The following ANKS1B variants were observed in gnomAD, a reference collection of about 807,000 sequenced individuals.
ANKS1B encodes ankyrin repeat and sterile alpha motif domain containing 1B, also known as ankyrin repeat and sterile alpha motif domain-containing protein 1B.
A neutral mutation model predicts 148.3 loss-of-function variants in ANKS1B; 36 were observed. That is an observed-to-expected ratio of 0.24 (90% CI 0.19 to 0.32). ANKS1B has a LOEUF of 0.32. ANKS1B is among the 10% of genes least tolerant of loss of function. ANKS1B has a pLI of 1.00. For missense variants in ANKS1B, 1,157 were observed against 1,542.6 expected, an observed-to-expected ratio of 0.75 and a Z score of 4.19; for synonymous variants, 542 against 560.8, an observed-to-expected ratio of 0.97 and a Z score of 0.47.
chr12:98,772,405 G>A (rs551005415), intron 25 of ANKS1B, among the ~76,000 whole-genome samples: 4 of 152,242 alleles, frequency 2.6e-5, no homozygotes, highest in Non-Finnish European at 4.4e-5. Flanking sequence ...CAGTTCTCAC[G>A]CTGCTAATAA....
intron 11 of ANKS1B, among the ~76,000 whole-genome samples, chr12:99,404,238 T>C (rs1375975638): frequency 2.7e-5 from 4 of 145,794 alleles, no homozygotes; most frequent in Non-Finnish European, 6.1e-5. Flanking sequence ...GCTTAATGCC[T>C]GGGTGACAAA....
intron 16 of ANKS1B, among the ~76,000 whole-genome samples, chr12:99,082,486 T>C (rs528741675): frequency 4.2e-4 from 64 of 152,222 alleles, no homozygotes; most frequent in Admixed American, 1.4e-3. Flanking sequence ...CACTGGAGAA[T>C]TGAAGCAGGG....
chr12:99,870,092 C>T (rs75066246), intron 1 of ANKS1B, among the ~76,000 whole-genome samples: 159 of 152,272 alleles, frequency 1.0e-3, no homozygotes, highest in African/African-American at 3.7e-3. Context: ...CTTGCTCCGC[C>T]GTCACTCCCC....
At chr12:99,009,494 T>A (rs1425187764) in intron 17 of ANKS1B, among the ~76,000 whole-genome samples, 1 of 152,194 alleles carries the variant, frequency 6.6e-6, no homozygotes, top group African/African-American at 2.4e-5. Flanking sequence ...TCAGCATCCA[T>A]CTGCGACTCT....
chr12:98,803,991 C>T (rs2099028588), intron 20 of ANKS1B, among the ~76,000 whole-genome samples: 1 of 152,232 alleles, frequency 6.6e-6, no homozygotes, highest in Admixed American at 6.5e-5. Flanking sequence ...CACTGAAATC[C>T]CTTATTTGAT....
intron 1 of ANKS1B, among the ~76,000 whole-genome samples, chr12:99,943,651 C>T (rs1603476437): frequency 6.6e-6 from 1 of 152,108 alleles, no homozygotes; most frequent in African/African-American, 2.4e-5. Context: ...ATCATGAGAA[C>T]AGTATGGGAA....
At position 98,794,867 on chromosome 12, in the gene ANKS1B, A is replaced by G; in HGVS notation, c.3342+4067T>C. On this transcript the variant is annotated intron_variant, in intron 22 of 26. Coordinates refer to ENST00000683438, the MANE Select transcript of ANKS1B (RefSeq NM_001352186.2). ...CAGGATATCAAAGAAGTCAAGCAAA[A>G]CATCCATCTTATCCGAGCCCCTCTT... 1.9e-6 allele frequency: 3 copies of G among 1,604,404 alleles called. No individual in the cohort carries two copies. In the South Asian group the frequency reaches 3.3e-5, roughly 18 times the overall value.
At chr12:99,502,294 C>A (rs1313304528) in intron 10 of ANKS1B, among the ~76,000 whole-genome samples, 1 of 152,104 alleles carries the variant, frequency 6.6e-6, no homozygotes, top group African/African-American at 2.4e-5. Flanking sequence ...AGGAAAAGTT[C>A]TCATTCTTGT....
intron 1 of ANKS1B, among the ~76,000 whole-genome samples, chr12:99,840,521 T>C (rs1451066116): frequency 6.6e-6 from 1 of 152,022 alleles, no homozygotes; most frequent in African/African-American, 2.4e-5. Flanking sequence ...ACTATAGTAA[T>C]GCAGGAAAAG....
At chr12:99,929,979 A>G (rs981045650) in intron 1 of ANKS1B, among the ~76,000 whole-genome samples, 3 of 152,272 alleles carry the variant, frequency 2.0e-5, no homozygotes, top group African/African-American at 7.2e-5. Context: ...TTGGCAATGC[A>G]GGCTCTTTTT....
intron 9 of ANKS1B, among the ~76,000 whole-genome samples, chr12:99,630,774 T>C (rs948992617): frequency 6.6e-6 from 1 of 152,210 alleles, no homozygotes; most frequent in Non-Finnish European, 1.5e-5. Context: ...CCGCGTTGCC[T>C]TGGGACTCTA....
chr12:98,867,549 A>T (rs935730030), intron 17 of ANKS1B, among the ~76,000 whole-genome samples: 9 of 152,220 alleles, frequency 5.9e-5, no homozygotes, highest in African/African-American at 2.2e-4. Context: ...TTCTTAGAAC[A>T]AATTATGTCT....
chr12:99,271,662 CTATATA>C (rs59207203), intron 12 of ANKS1B, among the ~76,000 whole-genome samples: 2,118 of 94,206 alleles, frequency 0.022, 119 homozygotes, highest in African/African-American at 0.084. Flanking sequence ...AGTCAATAAA[CTATATA>C]TATATATATA....
At chr12:99,528,099 C>G (rs568672008) in intron 9 of ANKS1B, among the ~76,000 whole-genome samples, 1 of 152,062 alleles carries the variant, frequency 6.6e-6, no homozygotes, top group East Asian at 1.9e-4. Context: ...CTTCGCCAAA[C>G]CTGACAAAAA....
intron 12 of ANKS1B, among the ~76,000 whole-genome samples, chr12:99,250,529 T>A (rs1041913778): frequency 7.2e-5 from 11 of 152,326 alleles, no homozygotes; most frequent in African/African-American, 2.6e-4. Context: ...CCTATGTGAG[T>A]GAGGGCATCT....
intron 2 of ANKS1B, among the ~76,000 whole-genome samples, chr12:99,817,574 T>C (rs2082030953): frequency 6.6e-6 from 1 of 151,738 alleles, no homozygotes; most frequent in Non-Finnish European, 1.5e-5. Context: ...TTTTTAGTTT[T>C]TTAAGGAACC....
At chr12:99,625,883 G>C (rs751015424) in intron 9 of ANKS1B, among the ~76,000 whole-genome samples, 3 of 152,068 alleles carry the variant, frequency 2.0e-5, no homozygotes, top group Non-Finnish European at 4.4e-5. Flanking sequence ...TTGGTTTCTA[G>C]TGGTGGCTGA....
At chr12:98,876,284 G>A (rs2099689652) in intron 17 of ANKS1B, among the ~76,000 whole-genome samples, 1 of 151,896 alleles carries the variant, frequency 6.6e-6, no homozygotes, top group South Asian at 2.1e-4. Flanking sequence ...TGTAACTGCT[G>A]GAAGTGCCCT....
At chr12:99,893,312 GAGGC>G (rs887621276) in intron 1 of ANKS1B, among the ~76,000 whole-genome samples, 10 of 151,848 alleles carry the variant, frequency 6.6e-5, no homozygotes, top group Non-Finnish European at 1.5e-4. Context: ...TCAGGAGGCT[GAGGC>G]AGGAGAATGG....
Sources: gnomAD v4.1 joint callset for allele counts (sites outside exome capture counted in the v4.1 genomes callset) on GRCh38, gnomAD v4.1.1 for gene constraint, MANE v1.5 for transcripts, NCBI Gene and HGNC (gene_info 2026-07-23, HGNC 2026-07-21) for gene names.